The following PSPH variants were observed in gnomAD, a reference collection of about 807,000 sequenced individuals.
The protein encoded by PSPH is phosphoserine phosphatase, also known as L-3-phosphoserine phosphatase.
A neutral mutation model predicts 23.4 loss-of-function variants in PSPH; 16 were observed. The ratio of observed to expected loss-of-function variants is 0.68; its 90% CI spans 0.46 to 1.04. The LOEUF (loss-of-function observed/expected upper bound fraction) is 1.04. PSPH is among the 50% of genes least tolerant of loss of function. The pLI is 0.00. For synonymous variants in PSPH, 68 were observed against 99.7 expected (o/e 0.68, Z 1.89); for missense variants, 223 against 273.7 (o/e 0.81, Z 1.31).
rs934000508 is a variant in PSPH, at chr7:56,041,193, ATCTC to A, written c.-291-7091_-291-7088del. Among the ~76,000 whole-genome samples the A allele has an allele frequency of 5.7e-4, 84 of 146,926 alleles. 1 individual carries two copies. The highest frequency in any genetic ancestry group is 5.0e-3 in the South Asian group (23 of 4,630). ...AGCTTGATTATCATAGCAAGACTCT[ATCTC>A]TCTCTCTCTCTCTTTTTTTTTTTTT... On this transcript the variant is annotated intron_variant, in intron 1 of 7. Coordinates refer to ENST00000275605, the MANE Select transcript of PSPH (RefSeq NM_004577.4).
chr7:56,024,661 T>C (rs1405496663), intron 3 of PSPH, among the ~76,000 whole-genome samples: 3 of 151,812 alleles, frequency 2.0e-5, no homozygotes, highest in South Asian at 2.1e-4. Flanking sequence ...GGCAGAAGGA[T>C]TGCTTGAGCA....
intron 7 of PSPH, among the ~76,000 whole-genome samples, chr7:56,013,156 TACACACACACAC>T (rs34329610): frequency 7.7e-5 from 11 of 142,094 alleles, no homozygotes; most frequent in African/African-American, 1.8e-4. Flanking sequence ...TGTATGTGTA[TACACACACACAC>T]ACACACACAC....
rs541028012 is a variant in PSPH at position 56,022,637 on chromosome 7, T to G, written c.-19-1406A>C. ...GGTCCTAGGGCCAGGCTAAGGAGTT[T>G]AGACTTTAACTTCCAGATACTGGGA... On this transcript the variant is annotated intron_variant, in intron 3 of 7. Coordinates refer to ENST00000275605, the MANE Select transcript of PSPH (RefSeq NM_004577.4). Among the ~76,000 whole-genome samples, 8 of 152,334 alleles carry G rather than the reference T, an allele frequency of 5.3e-5. No homozygotes were observed. The East Asian group carries it at 1.4e-3, about 26-fold the overall frequency.
chr7:56,021,600 T>C (rs184878062), intron 3 of PSPH, among the ~76,000 whole-genome samples: 144 of 147,416 alleles, frequency 9.8e-4, no homozygotes, highest in Middle Eastern at 6.8e-3. Context: ...TTTAGATATA[T>C]ATATAGTTGT....
intron 5 of PSPH, 148 bp downstream of exon 5, chr7:56,019,452 T>C: frequency 9.0e-7 from 1 of 1,107,078 alleles, no homozygotes; most frequent in Non-Finnish European, 1.2e-6. Context: ...AAAATACAAT[T>C]TAAAAAAATA....
At chr7:56,049,946 G>A (rs956799471) in intron 1 of PSPH, among the ~76,000 whole-genome samples, 8 of 151,906 alleles carry the variant, frequency 5.3e-5, no homozygotes, top group Non-Finnish European at 1.2e-4. Flanking sequence ...ATGTTGGCCA[G>A]GATGGTCTTG....
intron 1 of PSPH, among the ~76,000 whole-genome samples, chr7:56,050,436 T>G (rs2117283613): frequency 6.6e-6 from 1 of 152,218 alleles, no homozygotes; most frequent in Non-Finnish European, 1.5e-5. Context: ...TGGCTAATTT[T>G]TGTATTTGTT....
At chr7:56,019,135 G>A (rs868559392) in intron 5 of PSPH, among the ~76,000 whole-genome samples, 10 of 151,910 alleles carry the variant, frequency 6.6e-5, no homozygotes, top group African/African-American at 2.4e-4. Flanking sequence ...AGAATGAGAC[G>A]CTGACTCTAA....
chr7:56,030,669 C>T (rs142384582), intron 3 of PSPH, among the ~76,000 whole-genome samples: 12 of 151,950 alleles, frequency 7.9e-5, no homozygotes, highest in Admixed American at 5.3e-4. Flanking sequence ...GAGGCCAAGG[C>T]GGGCAACTCA....
intron 1 of PSPH, among the ~76,000 whole-genome samples, chr7:56,039,797 A>T (rs1480281417): frequency 2.4e-4 from 35 of 145,774 alleles, no homozygotes; most frequent in African/African-American, 8.6e-4. Flanking sequence ...AAAAAAATTA[A>T]AAAAAAAAAA....
chr7:56,035,423 C>T (rs1020759742), intron 1 of PSPH, among the ~76,000 whole-genome samples: 5 of 152,114 alleles, frequency 3.3e-5, no homozygotes, highest in African/African-American at 1.2e-4. Flanking sequence ...TTCCCCCAAA[C>T]ATTTACCACT....
rs570390744 is a variant in PSPH at position 56,027,879 on chromosome 7, T to A, written c.-20+4050A>T. Reference sequence around the variant, plus strand: ...TCAGTTCTCGAGAACACAGTAAGATTCTTTCTCTAAAAAAAAAAAAAAAAA... The same window carrying A: ...TCAGTTCTCGAGAACACAGTAAGATACTTTCTCTAAAAAAAAAAAAAAAAA... On this transcript the variant is annotated intron_variant, in intron 3 of 7. Transcript: ENST00000275605. 1.4e-5 allele frequency among the ~76,000 whole-genome samples: 2 copies of A among 140,234 alleles called. 1 individual carries two copies. The highest frequency in any genetic ancestry group is 4.7e-4 in the South Asian group (2 of 4,280). The allele number at this position is 140,234 out of a possible 152,430, so 92.0% of individuals were successfully genotyped here. A position where few individuals can be genotyped will look rare whatever the true frequency, so the allele number is the denominator to read the frequency against.
intron 1 of PSPH, among the ~76,000 whole-genome samples, chr7:56,039,434 A>G (rs1231481541): frequency 2.0e-5 from 3 of 152,140 alleles, no homozygotes; most frequent in Non-Finnish European, 4.4e-5. Context: ...ATCTGTGTGT[A>G]TAAAATATTT....
chr7:56,037,645 G>A (rs565939044), intron 1 of PSPH, among the ~76,000 whole-genome samples: 1 of 150,916 alleles, frequency 6.6e-6, no homozygotes, highest in Non-Finnish European at 1.5e-5. Context: ...AAGCCCAAGT[G>A]TGATCCACTT....
intron 4 of PSPH, 125 bp downstream of exon 4, chr7:56,020,948 C>T: frequency 9.1e-7 from 1 of 1,094,246 alleles, no homozygotes; most frequent in Non-Finnish European, 1.4e-6. Context: ...TCAAATTCAG[C>T]TCTAAGGAAT....
intron 1 of PSPH, among the ~76,000 whole-genome samples, chr7:56,043,836 A>T (rs928102729): frequency 1.6e-4 from 24 of 152,220 alleles, no homozygotes; most frequent in Non-Finnish European, 2.8e-4. Context: ...TCAAAAAAAC[A>T]AATGAATAAA....
chr7:56,015,938 C>T lies in PSPH; in HGVS notation c.422-767G>A, dbSNP rs1168448109. On this transcript the variant is annotated intron_variant, in intron 6 of 7. Transcript: ENST00000275605. The stretch of plus-strand genomic sequence containing the variant: ...CCTCCCAAAGTTCTGGGATTACAGG[C>T]GTGAGCCACCACACCCAGCCTTAAT... 7.9e-5 allele frequency among the ~76,000 whole-genome samples: 12 copies of T among 151,872 alleles called. 1 individual carries two copies. Among genetic ancestry groups the T allele is most frequent in the African/African-American group, 2.7e-4 (11 of 41,434 alleles).
At chr7:56,045,937 G>T (rs1406278393) in intron 1 of PSPH, among the ~76,000 whole-genome samples, 1 of 146,662 alleles carries the variant, frequency 6.8e-6, no homozygotes, top group African/African-American at 2.5e-5. Flanking sequence ...CAGAGACAAA[G>T]AACTTTATTG....
intron 1 of PSPH, among the ~76,000 whole-genome samples, chr7:56,042,248 A>C (rs541669035): frequency 2.6e-5 from 4 of 152,190 alleles, no homozygotes; most frequent in Non-Finnish European, 4.4e-5. Context: ...TCTGTCTGAA[A>C]AAAAACTTAA....
Sources: gnomAD v4.1 joint callset for allele counts (sites outside exome capture counted in the v4.1 genomes callset) on GRCh38, gnomAD v4.1.1 for gene constraint, MANE v1.5 for transcripts, NCBI Gene and HGNC (gene_info 2026-07-23, HGNC 2026-07-21) for gene names.